The following AUTS2 variants were observed in gnomAD, a reference collection of about 807,000 sequenced individuals.
AUTS2 encodes activator of transcription and developmental regulator AUTS2, also known as autism susceptibility gene 2 protein.
AUTS2 carries 17 observed loss-of-function variants against 112.4 expected under a neutral mutation model. That is an observed-to-expected ratio of 0.15 (90% CI 0.10 to 0.23). AUTS2 has a LOEUF of 0.23. Among genes scored for constraint, AUTS2 ranks in the 10% least tolerant of loss-of-function variants. The pLI, the probability that AUTS2 is intolerant of heterozygous loss-of-function variation, is 1.00. For synonymous variants in AUTS2, 751 were observed against 702.7 expected (o/e 1.07, Z -1.09); for missense variants, 1,510 against 1,701.6 (o/e 0.89, Z 1.98).
intron 2 of AUTS2, among the ~76,000 whole-genome samples, chr7:70,039,255 G>T (rs565240166): frequency 2.0e-5 from 3 of 152,230 alleles, no homozygotes; most frequent in South Asian, 4.2e-4. Context: ...TTACAAAGGG[G>T]ATCCATATTC....
intron 1 of AUTS2, among the ~76,000 whole-genome samples, chr7:69,629,723 G>A (rs544787138): frequency 3.3e-4 from 51 of 152,288 alleles, no homozygotes; most frequent in African/African-American, 1.2e-3. Flanking sequence ...TGAGCCACAT[G>A]AGGGCAGGGG....
chr7:70,149,829 TAGTA>T (rs1807331852), intron 4 of AUTS2, among the ~76,000 whole-genome samples: 1 of 152,044 alleles, frequency 6.6e-6, no homozygotes, highest in African/African-American at 2.4e-5. Context: ...CAAGCCAACA[TAGTA>T]AGAAGCATAA....
At chr7:69,757,715 T>C (rs948535006) in intron 1 of AUTS2, among the ~76,000 whole-genome samples, 1 of 152,194 alleles carries the variant, frequency 6.6e-6, no homozygotes, top group African/African-American at 2.4e-5. Flanking sequence ...GTTTAATTAA[T>C]GTTCTTTTAC....
At chr7:69,630,476 T>C (rs1379264921) in intron 1 of AUTS2, among the ~76,000 whole-genome samples, 2 of 152,070 alleles carry the variant, frequency 1.3e-5, no homozygotes, top group African/African-American at 2.4e-5. Flanking sequence ...CGAGTAAACG[T>C]CTGGTTGTGA....
At chr7:70,308,960 C>G (rs1266945386) in intron 4 of AUTS2, among the ~76,000 whole-genome samples, 1 of 152,110 alleles carries the variant, frequency 6.6e-6, no homozygotes, top group African/African-American at 2.4e-5. Context: ...GTTAAAAAGG[C>G]ACATGTTCAA....
intron 4 of AUTS2, among the ~76,000 whole-genome samples, chr7:70,310,364 A>G (rs1789685315): frequency 6.6e-6 from 1 of 152,136 alleles, no homozygotes; most frequent in African/African-American, 2.4e-5. Context: ...TAATCCCAGC[A>G]CTTTGGGAGG....
At chr7:69,667,969 A>G (rs572800768) in intron 1 of AUTS2, among the ~76,000 whole-genome samples, 3 of 152,318 alleles carry the variant, frequency 2.0e-5, no homozygotes, top group African/African-American at 7.2e-5. Flanking sequence ...GCCTTCCAAA[A>G]ATACCACCAA....
intron 2 of AUTS2, among the ~76,000 whole-genome samples, chr7:70,060,154 A>G (rs1053380951): frequency 6.6e-6 from 1 of 152,190 alleles, no homozygotes; most frequent in African/African-American, 2.4e-5. Flanking sequence ...AGGTTTTAAT[A>G]ACATTGAACA....
chr7:70,235,182 A>G (rs924034794), intron 4 of AUTS2, among the ~76,000 whole-genome samples: 1 of 152,082 alleles, frequency 6.6e-6, no homozygotes, highest in Non-Finnish European at 1.5e-5. Context: ...CACCCAGCCT[A>G]GAGTGTGTTG....
At chr7:70,351,305 C>T (rs1261450297) in intron 4 of AUTS2, among the ~76,000 whole-genome samples, 1 of 152,186 alleles carries the variant, frequency 6.6e-6, no homozygotes, top group Admixed American at 6.5e-5. Flanking sequence ...CCACCCGCCT[C>T]AGCCTCCCAA....
intron 2 of AUTS2, among the ~76,000 whole-genome samples, chr7:69,998,349 A>G (rs1288180008): frequency 1.3e-5 from 2 of 151,932 alleles, no homozygotes; most frequent in Non-Finnish European, 1.5e-5. Context: ...ACACCCAGCT[A>G]TATTCACATT....
intron 1 of AUTS2, among the ~76,000 whole-genome samples, chr7:69,638,420 A>G (rs548916317): frequency 9.8e-5 from 15 of 152,358 alleles, no homozygotes; most frequent in East Asian, 1.9e-4. Context: ...CTCTGTATCA[A>G]TGTATTTCTG....
chr7:70,789,838 A>G lies in AUTS2; in HGVS notation c.2622A>G (p.Glu874=). The change falls in exon 19 of 19, where the codon GAA becomes GAG. Residue 874 remains glutamate (E), a synonymous_variant. Transcript: ENST00000342771. ...NALGHTRSST[E]QIRAHLNTEA... ...TGGGACATACCCGCAGCTCCACTGA[A>G]CAGATCCGGGCTCATCTGAACACTG... 2.5e-6 allele frequency: 4 copies of G among 1,614,138 alleles called. No homozygotes were observed. Among genetic ancestry groups the G allele is most frequent in the Non-Finnish European group, 3.4e-6 (4 of 1,180,020 alleles).
At chr7:70,581,945 C>G (rs1000552230) in intron 5 of AUTS2, among the ~76,000 whole-genome samples, 1 of 151,474 alleles carries the variant, frequency 6.6e-6, no homozygotes, top group Non-Finnish European at 1.5e-5. Flanking sequence ...GAGCTTTAGT[C>G]TATGTATAGT....
chr7:70,362,495 A>G (rs1792315432), intron 4 of AUTS2, among the ~76,000 whole-genome samples: 1 of 152,150 alleles, frequency 6.6e-6, no homozygotes, highest in South Asian at 2.1e-4. Flanking sequence ...CGGGAAAGTG[A>G]AACATTCCTT....
At chr7:70,489,784 G>C (rs1460887802) in intron 5 of AUTS2, among the ~76,000 whole-genome samples, 2 of 152,194 alleles carry the variant, frequency 1.3e-5, no homozygotes, top group East Asian at 1.9e-4. Flanking sequence ...CTGACCCAAA[G>C]AAGGTATGGT....
intron 5 of AUTS2, among the ~76,000 whole-genome samples, chr7:70,605,616 T>C (rs1803715564): frequency 6.9e-6 from 1 of 145,928 alleles, no homozygotes; most frequent in Non-Finnish European, 1.5e-5. Flanking sequence ...GAAATCTACT[T>C]AAGTATCATA....
chr7:70,712,325 G>A (rs2129550061), intron 6 of AUTS2, among the ~76,000 whole-genome samples: 1 of 147,692 alleles, frequency 6.8e-6, no homozygotes, highest in South Asian at 2.2e-4. Flanking sequence ...TAGGATTACA[G>A]GCATGAGCCA....
intron 5 of AUTS2, among the ~76,000 whole-genome samples, chr7:70,661,447 G>C (rs1281231684): frequency 1.3e-5 from 2 of 152,180 alleles, no homozygotes; most frequent in East Asian, 3.9e-4. Context: ...ACCAGGGTGG[G>C]AGGAGGGTGG....
Sources: allele counts gnomAD v4.1 joint callset (sites outside exome capture counted in the v4.1 genomes callset), GRCh38; gene constraint gnomAD v4.1.1; transcripts MANE v1.5; gene names NCBI Gene and HGNC (gene_info 2026-07-23, HGNC 2026-07-21).